The following CLASP2 variants were observed in gnomAD, a reference collection of about 807,000 sequenced individuals.
CLASP2 encodes the protein CLIP-associating protein 2.
In CLASP2, 47 loss-of-function variants were observed where a neutral mutation model predicts 194.4. The ratio of observed to expected loss-of-function variants is 0.24; its 90% CI spans 0.19 to 0.31. CLASP2 has a LOEUF of 0.31. Among genes scored for constraint, CLASP2 ranks in the 10% least tolerant of loss-of-function variants. The pLI is 1.00. For synonymous variants in CLASP2, 619 were observed against 633.5 expected (o/e 0.98, Z 0.34); for missense variants, 1,445 against 1,823.6 (o/e 0.79, Z 3.78).
rs2073756343 is a variant in CLASP2 at position 33,606,019 on chromosome 3, G to A, written c.1694+572C>T. Among the ~76,000 whole-genome samples the A allele has an allele frequency of 3.3e-5, 5 of 152,240 alleles. No homozygotes were observed. The South Asian group carries it at 1.0e-3, about 32-fold the overall frequency. On this transcript the variant is annotated intron_variant, in intron 16 of 38. Transcript: ENST00000682230. ...GGGCCAGTGCTAGGAAGTGGAGAAG[G>A]CATCAGTAATTTTAGCAATCTCATA...
intron 8 of CLASP2, among the ~76,000 whole-genome samples, 165 bp from the exon 9 acceptor site, chr3:33,632,536 T>C (rs191509971): frequency 6.6e-6 from 1 of 152,330 alleles, no homozygotes; most frequent in East Asian, 1.9e-4. Flanking sequence ...TTCAGAAAGG[T>C]CAATGTACTT....
chr3:33,594,393 T>C (rs2069663082), intron 20 of CLASP2, among the ~76,000 whole-genome samples: 1 of 152,130 alleles, frequency 6.6e-6, no homozygotes, highest in Non-Finnish European at 1.5e-5. Context: ...TTGAAAACTA[T>C]AAAAATTATT....
chr3:33,570,665 T>C, intron 26 of CLASP2, 62 bp downstream of exon 26: 1 of 1,557,638 alleles, frequency 6.4e-7, no homozygotes, highest in Non-Finnish European at 8.7e-7. Flanking sequence ...ACAGTTTTTC[T>C]GCTTTGACAA....
chr3:33,644,299 C>G (rs1409744362), intron 8 of CLASP2: 3 of 158,430 alleles, frequency 1.9e-5, no homozygotes, highest in Non-Finnish European at 4.2e-5. Flanking sequence ...CCTATTGTGA[C>G]AAATGATTCA....
rs559091295 is a variant in CLASP2, at chr3:33,622,237, T to C, written c.1079A>G (p.Tyr360Cys). Residue 360 changes from tyrosine (Y) to cysteine (C), a missense_variant, in exon 11 of 39, where the codon TAT becomes TGT. Physicochemically the swap from Tyr to Cys is radical, Grantham distance 194. Transcript: ENST00000682230. ...TCGTAAATGTTGAAAAAAGCAATCA[T>C]ACTGTGCAGCTCCAGCAACAAGCAG... is the stretch of plus-strand genomic sequence containing the variant. ...RSLLVAGAAQ[Y>C]DCFFQHLRLL... The C allele has an allele frequency of 1.5e-5, 24 of 1,597,294 alleles. No individual in the cohort carries two copies. The South Asian group carries it at 1.8e-4, about 12-fold the overall frequency.
chr3:33,574,847 A>G (rs565270358), intron 24 of CLASP2, among the ~76,000 whole-genome samples: 1 of 152,162 alleles, frequency 6.6e-6, no homozygotes, highest in Non-Finnish European at 1.5e-5. Context: ...TTTCCTAAAA[A>G]TTGGTAGTTG....
chr3:33,505,141 C>T (rs1237469558), intron 37 of CLASP2: 1 of 152,100 alleles, frequency 6.6e-6, no homozygotes, highest in Non-Finnish European at 1.5e-5. Flanking sequence ...TTTCAATAGA[C>T]TCCACTTAGG....
intron 7 of CLASP2, among the ~76,000 whole-genome samples, chr3:33,653,051 C>T (rs1372626404): frequency 2.0e-5 from 3 of 152,204 alleles, no homozygotes; most frequent in African/African-American, 7.2e-5. Flanking sequence ...CAATATAATC[C>T]TCTAAAAAAT....
chr3:33,645,022 C>T (rs551522909), intron 7 of CLASP2, 119 bp from the exon 8 acceptor site: 40 of 1,051,958 alleles, frequency 3.8e-5, no homozygotes, highest in South Asian at 2.4e-4. Context: ...ATATATAATA[C>T]GAAATAAAGG....
intron 25 of CLASP2, among the ~76,000 whole-genome samples, chr3:33,572,800 T>C (rs931227702): frequency 6.6e-6 from 1 of 152,092 alleles, no homozygotes; most frequent in East Asian, 1.9e-4. Flanking sequence ...GTCAGTTTTA[T>C]CACTATGTAC....
intron 15 of CLASP2, among the ~76,000 whole-genome samples, chr3:33,607,104 A>G (rs115985757): frequency 0.02 from 3,045 of 152,336 alleles, 100 homozygotes; most frequent in African/African-American, 0.068. Context: ...TTCAAACAAT[A>G]TCAGGTTCAC....
At chr3:33,622,735 T>C (rs1038829346) in intron 10 of CLASP2, among the ~76,000 whole-genome samples, 6 of 152,196 alleles carry the variant, frequency 3.9e-5, no homozygotes, top group Admixed American at 3.9e-4. Flanking sequence ...TTACCATCAC[T>C]ATCTACTAAG....
chr3:33,594,133 T>A (rs1481230622), intron 20 of CLASP2, among the ~76,000 whole-genome samples: 1 of 152,208 alleles, frequency 6.6e-6, no homozygotes, highest in East Asian at 1.9e-4. Flanking sequence ...TGTGAACCCC[T>A]ATGCCTGGAC....
intron 21 of CLASP2, among the ~76,000 whole-genome samples, chr3:33,587,270 C>A (rs2067618258): frequency 1.3e-5 from 2 of 152,016 alleles, no homozygotes; most frequent in Admixed American, 1.3e-4. Context: ...GGACTACAGG[C>A]ACCCGCCACC....
chr3:33,684,313 A>G, intron 6 of CLASP2, 46 bp downstream of exon 6: 1 of 1,021,642 alleles, frequency 9.8e-7, no homozygotes, highest in South Asian at 1.5e-5. Context: ...AACTTTTAAA[A>G]CTAGTGGTGA....
intron 6 of CLASP2, among the ~76,000 whole-genome samples, chr3:33,674,718 G>T (rs2088153924): frequency 6.6e-6 from 1 of 151,928 alleles, no homozygotes; most frequent in African/African-American, 2.4e-5. Context: ...AAAGAGAGAA[G>T]AATCAAATAG....
At chr3:33,635,867 C>A (rs2080039787) in intron 8 of CLASP2, among the ~76,000 whole-genome samples, 1 of 151,646 alleles carries the variant, frequency 6.6e-6, no homozygotes. Flanking sequence ...TACCCATAGC[C>A]CTTGCTTTTA....
At chr3:33,590,415 T>C (rs973409809) in intron 21 of CLASP2, among the ~76,000 whole-genome samples, 1 of 152,168 alleles carries the variant, frequency 6.6e-6, no homozygotes, top group Non-Finnish European at 1.5e-5. Flanking sequence ...AGAGCTGTAA[T>C]GGCATATGAG....
chr3:33,626,375 T>C (rs894063065), intron 10 of CLASP2, among the ~76,000 whole-genome samples: 2 of 152,142 alleles, frequency 1.3e-5, no homozygotes, highest in African/African-American at 4.8e-5. Context: ...ATGTAAACAA[T>C]AAGTTCACAA....
Sources: gnomAD v4.1 joint callset for allele counts (sites outside exome capture counted in the v4.1 genomes callset) on GRCh38, gnomAD v4.1.1 for gene constraint, MANE v1.5 for transcripts, NCBI Gene and HGNC (gene_info 2026-07-23, HGNC 2026-07-21) for gene names.